The following ZNF467 variants were observed in gnomAD, a reference collection of about 807,000 sequenced individuals.
The protein encoded by ZNF467 is zinc finger protein EZI.
A neutral mutation model predicts 47.8 loss-of-function variants in ZNF467; 51 were observed. The observed-to-expected ratio is 1.07, with a 90% CI of 0.85 to 1.35. The LOEUF (loss-of-function observed/expected upper bound fraction) is 1.35, where lower values mean the gene tolerates loss of function less well. ZNF467 is among the 40% of genes most tolerant of loss of function. The pLI is 0.00. For missense variants in ZNF467, 992 were observed against 858.1 expected, an observed-to-expected ratio of 1.16 and a Z score of -1.95; for synonymous variants, 416 against 372.9, an observed-to-expected ratio of 1.12 and a Z score of -1.33.
Position 149,764,336 on chromosome 7 carries a change from C to G in ZNF467, c.*378G>C. The G allele has an allele frequency of 1.9e-6, 1 of 531,080 alleles. No individual in the cohort carries two copies. The highest frequency in any genetic ancestry group is 3.3e-6 in the Non-Finnish European group (1 of 302,626). The allele number at this position is 531,080 out of a possible 1,614,324, so 32.9% of individuals were successfully genotyped here. A position where few individuals can be genotyped will look rare whatever the true frequency, so the allele number is the denominator to read the frequency against. On this transcript the variant is annotated 3_prime_UTR_variant, in exon 5 of 5. Coordinates refer to ENST00000302017, the MANE Select transcript of ZNF467 (RefSeq NM_207336.3). ...GCTAAGGAGAGTCAGGTGTTCCCTC[C>G]CCCAATTCATTTAGCAGCCCCAGAA...
rs746064940 is a variant in ZNF467, at chr7:149,765,287, G to A, written c.1215C>T (p.Ser405=). The change falls in exon 5 of 5, where the codon AGC becomes AGT. Residue 405 remains serine (S), a synonymous_variant. Transcript: ENST00000302017. ...GGCCGCAGCCCGGTCCGCCAGGCGC[G>A]CTGGCCAGGGGCTTGGCGGCGGGGG... is the stretch of plus-strand genomic sequence containing the variant. ...VDAPAAKPLA[S]APGGPGCGPG... 1 of 1,464,462 alleles carries A rather than the reference G, an allele frequency of 6.8e-7. No homozygotes were observed. The highest frequency in any genetic ancestry group is 9.0e-7 in the Non-Finnish European group (1 of 1,107,634). 90.7% of individuals were successfully genotyped at this position (1,464,462 alleles called of 1,614,324 possible). A position where few individuals can be genotyped will look rare whatever the true frequency, so the allele number is the denominator to read the frequency against.
intron 1 of ZNF467, among the ~76,000 whole-genome samples, chr7:149,771,866 G>A (rs1251667207): frequency 1.9e-5 from 1 of 53,312 alleles, no homozygotes; most frequent in African/African-American, 7.7e-5. Flanking sequence ...CCGCCCGCCC[G>A]AGCCCGGCAG....
At chr7:149,768,026 A>C (rs980572619) in intron 4 of ZNF467, among the ~76,000 whole-genome samples, 4 of 151,570 alleles carry the variant, frequency 2.6e-5, no homozygotes, top group Admixed American at 1.3e-4. Flanking sequence ...CCTCCACCCC[A>C]CCCCTTTCAG....
At chr7:149,773,760 C>G (rs1202363847), upstream of ZNF467, among the ~76,000 whole-genome samples, 1 of 151,472 alleles carries the variant, frequency 6.6e-6, no homozygotes, top group African/African-American at 2.4e-5. Flanking sequence ...TGCAGCGCCG[C>G]GCTCCCGCGG....
upstream of ZNF467, chr7:149,776,417 C>A (rs201133783): frequency 1.5e-6 from 2 of 1,358,084 alleles, no homozygotes; most frequent in Non-Finnish European, 2.0e-6. Flanking sequence ...GACCTGGTAC[C>A]CTGTGCCAGC....
intron 1 of ZNF467, among the ~76,000 whole-genome samples, chr7:149,771,539 C>G: frequency 6.6e-6 from 1 of 152,134 alleles, no homozygotes; most frequent in Non-Finnish European, 1.5e-5. Context: ...GTGAGTGTCA[C>G]TTTAGGGGTA....
rs772230782 is a variant in ZNF467 at position 149,765,107 on chromosome 7, G to A, written c.1395C>T (p.Asp465=). ...GATTAGGCCGCGAGCCGAAGCGGCG[G>A]TCACACTGCGTGCAGGCGAAGGGCC... The part of the protein sequence containing the change: ...GERPFACTQC[D]RRFGSRPNLV... The change falls in exon 5 of 5, where the codon GAC becomes GAT. Residue 465 remains aspartate (D), a synonymous_variant. Transcript: ENST00000302017. 17 of 1,469,896 alleles carry A rather than the reference G, an allele frequency of 1.2e-5. No homozygotes were observed. Among genetic ancestry groups the A allele is most frequent in the Non-Finnish European group, 1.5e-5 (17 of 1,114,450 alleles). The allele number at this position is 1,469,896 out of a possible 1,614,324, so 91.1% of individuals were successfully genotyped here. A position where few individuals can be genotyped will look rare whatever the true frequency, so the allele number is the denominator to read the frequency against.
In ZNF467 at chr7:149,765,313, C is replaced by T. The variant is rs566679724; in HGVS notation, c.1189G>A (p.Ala397Thr). The T allele has an allele frequency of 6.8e-7, 1 of 1,479,010 alleles. No homozygotes were observed. The highest frequency in any genetic ancestry group is 9.0e-7 in the Non-Finnish European group (1 of 1,111,896). 91.6% of individuals were successfully genotyped at this position (1,479,010 alleles called of 1,614,324 possible). A position where few individuals can be genotyped will look rare whatever the true frequency, so the allele number is the denominator to read the frequency against. The change falls in exon 5 of 5, where the codon GCC (alanine) becomes ACC (threonine). Residue 397 changes from alanine to threonine, a missense_variant. Transcript: ENST00000302017. ...DECALGATVD[A>T]PAAKPLASAP... Reference sequence around the variant, plus strand: ...CTGGCCAGGGGCTTGGCGGCGGGGGCATCCACGGTGGCGCCCAGTGCGCAC... The same window carrying T: ...CTGGCCAGGGGCTTGGCGGCGGGGGTATCCACGGTGGCGCCCAGTGCGCAC...
In ZNF467 at chr7:149,766,198, C is replaced by A. The variant is rs758587802; in HGVS notation, c.304G>T (p.Asp102Tyr). ...MIRKVKVEDE[D>Y]QEAEEEVEWP... ...TCGACCTCCTCTTCTGCCTCCTGAT[C>A]TTCGTCCTCCACCTTCACCTTCCGA... Residue 102 changes from aspartate (D) to tyrosine (Y), a missense_variant, in exon 5 of 5, where the codon GAT becomes TAT. Coordinates refer to ENST00000302017, the MANE Select transcript of ZNF467 (RefSeq NM_207336.3). 4 of 1,538,960 alleles carry A rather than the reference C, an allele frequency of 2.6e-6. No homozygotes were observed. The highest frequency in any genetic ancestry group is 1.4e-5 in the African/African-American group (1 of 72,552).
At chr7:149,770,864 GA>G in intron 2 of ZNF467, 134 bp downstream of exon 2, 2 of 1,099,418 alleles carry the variant, frequency 1.8e-6, no homozygotes, top group Non-Finnish European at 2.7e-6. Context: ...CCGTGCTACA[GA>G]AAAGGAGGCT....
upstream of ZNF467, among the ~76,000 whole-genome samples, chr7:149,773,692 G>T (rs1799500362): frequency 6.7e-6 from 1 of 150,154 alleles, no homozygotes; most frequent in Non-Finnish European, 1.5e-5. Flanking sequence ...GGGCCGTGTC[G>T]GGGGGGAGCC....
Position 149,764,866 on chromosome 7 carries a change from G to T in ZNF467, c.1636C>A (p.Pro546Thr), listed in dbSNP as rs760587671. 2 of 1,555,738 alleles carry T rather than the reference G, an allele frequency of 1.3e-6. No individual in the cohort carries two copies. Among genetic ancestry groups the T allele is most frequent in the Non-Finnish European group, 1.7e-6 (2 of 1,152,352 alleles). ...IHTGSRPFSCPQCGKSFSRKT... is the reference protein window; with the variant it reads ...IHTGSRPFSCTQCGKSFSRKT... ...CGGCTGAAGCTCTTTCCGCACTGCG[G>T]GCAGGAGAAGGGGCGGGAGCCTGTG... The change falls in exon 5 of 5, where the codon CCG becomes ACG. Residue 546 changes from proline to threonine, a missense_variant. Transcript: ENST00000302017.
At chr7:149,768,027 C>T (rs2117429671) in intron 4 of ZNF467, among the ~76,000 whole-genome samples, 1 of 152,290 alleles carries the variant, frequency 6.6e-6, no homozygotes, top group South Asian at 2.1e-4. Context: ...CTCCACCCCA[C>T]CCCTTTCAGA....
intron 4 of ZNF467, 27 bp from the exon 5 acceptor site, chr7:149,766,266 A>G (rs377729253): frequency 9.9e-6 from 15 of 1,511,968 alleles, no homozygotes; most frequent in Non-Finnish European, 1.2e-5. Context: ...AGAATTGTCT[A>G]TTGAGCTCCA....
rs765276818 is a variant in ZNF467 at position 149,765,715 on chromosome 7, G to T, written c.787C>A (p.Gln263Lys). ...GGCCGCTCGCCGGTGTGGGTCTTTTGGTGCGAGCCCAGGTGGATCTTCTGG... is the reference window on the plus strand; with the variant it reads ...GGCCGCTCGCCGGTGTGGGTCTTTTTGTGCGAGCCCAGGTGGATCTTCTGG... ...FSQKIHLGSH[Q>K]KTHTGERPFP... is the part of the protein sequence containing the mutation. Residue 263 changes from glutamine to lysine, a missense_variant, in exon 5 of 5, where the codon CAA becomes AAA. Gln to Lys is a moderately conservative substitution (Grantham distance 53). Coordinates refer to ENST00000302017, the MANE Select transcript of ZNF467 (RefSeq NM_207336.3). 152 of 1,613,628 alleles carry T rather than the reference G, an allele frequency of 9.4e-5. No individual in the cohort carries two copies. Among genetic ancestry groups the T allele is most frequent in the Admixed American group, 3.0e-4 (18 of 60,014 alleles).
At chr7:149,773,646 G>A (rs960023178), upstream of ZNF467, among the ~76,000 whole-genome samples, 944 of 146,734 alleles carry the variant, frequency 6.4e-3, 7 homozygotes, top group Non-Finnish European at 8.8e-3. Flanking sequence ...GCGAACGGGT[G>A]GGGGGGTGGC....
chr7:149,770,454 A>C lies in ZNF467; in HGVS notation c.137T>G (p.Leu46Arg). ...QMSSSREERA[L>R]GVCSGHEAPT... ...CTGTTACCTACCTGAGCACACCCCC[A>C]GTGCTCTCTCTTCCCTAGAAGAGGA... The change falls in exon 3 of 5, where the codon CTG becomes CGG. Residue 46 changes from leucine (L) to arginine (R), a missense_variant. Coordinates refer to ENST00000302017, the MANE Select transcript of ZNF467 (RefSeq NM_207336.3). 6.2e-7 allele frequency: 1 copy of C among 1,612,050 alleles called. No individual in the cohort carries two copies. The highest frequency in any genetic ancestry group is 1.3e-5 in the African/African-American group (1 of 74,932).
chr7:149,775,708 T>TACACACACAC (rs3085320), upstream of ZNF467, among the ~76,000 whole-genome samples: 45 of 139,002 alleles, frequency 3.2e-4, no homozygotes, highest in African/African-American at 7.7e-4. Flanking sequence ...AGTGTGAAAA[T>TACACACACAC]ACACACACAC....
chr7:149,772,642 A>C (rs1222496920), intron 1 of ZNF467, among the ~76,000 whole-genome samples: 3 of 98,050 alleles, frequency 3.1e-5, no homozygotes, highest in Non-Finnish European at 4.2e-5. Context: ...CCGCCCTCCC[A>C]AGCAGCTCCG....
Sources: allele counts gnomAD v4.1 joint callset (sites outside exome capture counted in the v4.1 genomes callset), GRCh38; gene constraint gnomAD v4.1.1; transcripts MANE v1.5; gene names NCBI Gene and HGNC (gene_info 2026-07-23, HGNC 2026-07-21).